The following CES4A variants were observed in gnomAD, a reference collection of about 807,000 sequenced individuals.
CES4A encodes the protein carboxylesterase 4A.
CES4A carries 48 observed loss-of-function variants against 65.4 expected under a neutral mutation model. The observed-to-expected ratio is 0.73, with a 90% CI of 0.58 to 0.93. CES4A has a LOEUF of 0.93. Among genes scored for constraint, CES4A ranks in the 40% least tolerant of loss-of-function variants. CES4A has a pLI of 0.00. For missense variants in CES4A, 685 were observed against 728.5 expected (o/e 0.94, Z 0.69); for synonymous variants, 247 against 281.8 (o/e 0.88, Z 1.24).
At chr16:66,991,874 C>T (rs1328036628) in intron 1 of CES4A, among the ~76,000 whole-genome samples, 5 of 151,862 alleles carry the variant, frequency 3.3e-5, no homozygotes, top group Non-Finnish European at 7.4e-5. Flanking sequence ...TTTGGGAGGC[C>T]AGAGTGGGAG....
chr16:66,999,488 T>C (rs1965112958), intron 2 of CES4A, among the ~76,000 whole-genome samples: 1 of 152,090 alleles, frequency 6.6e-6, no homozygotes, highest in South Asian at 2.1e-4. Context: ...CTGAAATAAC[T>C]CCAACCAGGA....
At position 67,008,860 on chromosome 16, in the gene CES4A, G is replaced by A. The variant is rs78853310; in HGVS notation, c.1518-114G>A. On this transcript the variant is annotated intron_variant, in intron 13 of 13. Transcript: ENST00000648724. ...TATTAAAGTTCTAAGTATCATCTCC[G>A]TAAAGCCCTCTGGAACCCCAAGTCC... 9.2e-4 allele frequency: 970 copies of A among 1,058,122 alleles called. 10 individuals are homozygous for A. In the East Asian group the frequency reaches 0.018, roughly 20 times the overall value. 65.5% of individuals were successfully genotyped at this position (1,058,122 alleles called of 1,614,324 possible).
exon 2 of CES4A, chr16:66,995,704 G>A: frequency 6.2e-7 from 1 of 1,614,238 alleles, no homozygotes; most frequent in Non-Finnish European, 8.5e-7. Context: ...ATGTGGGGAA[G>A]ACACCCATCC....
chr16:66,998,087 G>C (rs1455365109), intron 2 of CES4A, among the ~76,000 whole-genome samples: 1 of 151,628 alleles, frequency 6.6e-6, no homozygotes, highest in African/African-American at 2.4e-5. Context: ...AAGACAGAAG[G>C]CAAACTGATC....
At chr16:67,004,350 C>T (rs1451382194) in intron 9 of CES4A, 126 bp downstream of exon 9, 1 of 1,061,366 alleles carries the variant, frequency 9.4e-7, no homozygotes, top group Non-Finnish European at 1.4e-6. Context: ...TCTGTGGATG[C>T]CCTATGTTTG....
At chr16:67,006,012 G>A (rs1413659231) in intron 11 of CES4A, 1 of 231,548 alleles carries the variant, frequency 4.3e-6, no homozygotes, top group African/African-American at 2.3e-5. Context: ...CTGGGGCTAG[G>A]GGAACATGTG....
chr16:66,990,930 G>A (rs1396995065), intron 1 of CES4A, among the ~76,000 whole-genome samples: 4 of 152,118 alleles, frequency 2.6e-5, no homozygotes, highest in Non-Finnish European at 5.9e-5. Context: ...GTTTTCATGT[G>A]TTTCTGACTA....
Position 67,000,871 on chromosome 16 carries a change from C to A in CES4A, c.417C>A (p.Phe139Leu). ...TCTTCGTCCAGGTGATGGTCTGGTT[C>A]CCGGGAGGCGCCTTCATCGTGGGCG... is the stretch of plus-strand genomic sequence containing the variant. The change falls in exon 4 of 14, where the codon TTC becomes TTA. Residue 139 changes from phenylalanine to leucine, a missense_variant. Coordinates refer to ENST00000648724, the Ensembl canonical transcript of CES4A. This position sits in a 1 kb window ranked among gnomAD's most constrained non-coding sequence, Gnocchi z 4.2. 6.2e-7 allele frequency: 1 copy of A among 1,601,310 alleles called. No homozygotes were observed. Among genetic ancestry groups the A allele is most frequent in the Non-Finnish European group, 8.5e-7 (1 of 1,174,088 alleles).
chr16:66,994,616 C>T (rs1002442014), intron 1 of CES4A, among the ~76,000 whole-genome samples: 3 of 151,332 alleles, frequency 2.0e-5, no homozygotes, highest in Admixed American at 6.6e-5. Flanking sequence ...CCAAGGCGGG[C>T]GGATCACGAG....
intron 1 of CES4A, among the ~76,000 whole-genome samples, chr16:66,993,533 G>A (rs1964562645): frequency 6.6e-6 from 1 of 151,336 alleles, no homozygotes. Context: ...AGTAGAGACA[G>A]GGGTTTCACC....
chr16:66,998,544 T>G (rs1288778574), intron 2 of CES4A, among the ~76,000 whole-genome samples: 1 of 152,150 alleles, frequency 6.6e-6, no homozygotes, highest in African/African-American at 2.4e-5. Flanking sequence ...ATCATGTCAC[T>G]GCATTGCTGC....
intron 1 of CES4A, among the ~76,000 whole-genome samples, chr16:66,994,740 G>A (rs1371562913): frequency 9.9e-5 from 15 of 151,392 alleles, no homozygotes; most frequent in Admixed American, 8.6e-4. Flanking sequence ...TCGGGAGGCC[G>A]AGGCAGGAGA....
In CES4A at chr16:67,006,823, T is replaced by C; in HGVS notation, c.1517+6T>C. 2 of 1,613,772 alleles carry C rather than the reference T, an allele frequency of 1.2e-6. No individual in the cohort carries two copies. Among genetic ancestry groups the C allele is most frequent in the Non-Finnish European group, 1.7e-6 (2 of 1,179,868 alleles). On this transcript the variant is annotated splice_donor_region_variant and intron_variant, in intron 13 of 13. Transcript: ENST00000648724. ...GCCAACTTTGCCCGCACAGGGTGAG[T>C]CTGCCCCCCAGCACATCTGGGCATT...
At chr16:66,989,885 G>A (rs541089333) in intron 1 of CES4A, among the ~76,000 whole-genome samples, 1 of 150,970 alleles carries the variant, frequency 6.6e-6, no homozygotes, top group Non-Finnish European at 1.5e-5. Context: ...CATCTCCAGC[G>A]TCCCATGTAC....
chr16:67,003,072 G>A lies in CES4A; in HGVS notation c.693G>A (p.Met231Ile). The change falls in exon 6 of 14, where the codon ATG becomes ATA. Residue 231 changes from methionine to isoleucine, a missense_variant and splice_region_variant. By Grantham distance (10) the Met-to-Ile change is conservative. Transcript: ENST00000648724. This position sits in a 1 kb window ranked among gnomAD's most constrained non-coding sequence, Gnocchi z 4.2. ...TGTATTCCTCCCTGTTCTTGCAGATGATGTCACCCCTAGCCTCGGGTCTCT... is the reference window on the plus strand; with the variant it reads ...TGTATTCCTCCCTGTTCTTGCAGATAATGTCACCCCTAGCCTCGGGTCTCT... 6.2e-7 allele frequency: 1 copy of A among 1,613,722 alleles called. No homozygotes were observed. Among genetic ancestry groups the A allele is most frequent in the Non-Finnish European group, 8.5e-7 (1 of 1,179,658 alleles).
chr16:67,001,818 T>A lies in CES4A; in HGVS notation c.690+357T>A, dbSNP rs1021456955. 6.6e-6 allele frequency among the ~76,000 whole-genome samples: 1 copy of A among 152,244 alleles called. No homozygotes were observed. The highest frequency in any genetic ancestry group is 2.4e-5 in the African/African-American group (1 of 41,468). ...CAAGGCTAGGACCTCACACCAGGCC[T>A]GCAAGCCAGGGGCATGAGTTGACGG... On this transcript the variant is annotated intron_variant, in intron 5 of 13. Transcript: ENST00000648724. The surrounding 1 kb of genome is among the most constrained non-coding windows in gnomAD (Gnocchi z 4.1).
At chr16:66,995,239 G>A (rs890224540) in intron 1 of CES4A, among the ~76,000 whole-genome samples, 2 of 151,836 alleles carry the variant, frequency 1.3e-5, no homozygotes, top group African/African-American at 4.8e-5. Flanking sequence ...GAATCTGGGA[G>A]GCGGAGCTTG....
chr16:67,000,183 G>A lies in CES4A; in HGVS notation c.261-455G>A, dbSNP rs1965171292. Among the ~76,000 whole-genome samples the A allele has an allele frequency of 6.6e-6, 1 of 152,196 alleles. No individual in the cohort carries two copies. The highest frequency in any genetic ancestry group is 2.4e-5 in the African/African-American group (1 of 41,448). ...ACATAGTCCGCCAGAGTGTGGCCGAGGAGTAGGAGGAGTGTGAAGAGGCTG... is the reference window on the plus strand; with the variant it reads ...ACATAGTCCGCCAGAGTGTGGCCGAAGAGTAGGAGGAGTGTGAAGAGGCTG... On this transcript the variant is annotated intron_variant, in intron 2 of 13. Transcript: ENST00000648724. This position sits in a 1 kb window ranked among gnomAD's most constrained non-coding sequence, Gnocchi z 4.2.
At chr16:66,992,681 T>G (rs1354897743) in intron 1 of CES4A, among the ~76,000 whole-genome samples, 1 of 152,100 alleles carries the variant, frequency 6.6e-6, no homozygotes, top group East Asian at 1.9e-4. Flanking sequence ...GTTTTTTGGT[T>G]TTTTGTTTGT....
Sources: gnomAD v4.1 joint callset for allele counts (sites outside exome capture counted in the v4.1 genomes callset) on GRCh38, gnomAD v4.1.1 for gene constraint, Gnocchi (gnomAD v3.1) non-coding constraint, MANE v1.5 for transcripts, NCBI Gene and HGNC (gene_info 2026-07-23, HGNC 2026-07-21) for gene names.